ROBO2: variants seen among roughly 807,000 people sequenced by gnomAD.
The protein encoded by ROBO2 is roundabout homolog 2.
Under a neutral mutation model 160.8 loss-of-function variants are expected in ROBO2, and 53 were observed. That is an observed-to-expected ratio of 0.33 (90% CI 0.26 to 0.41). ROBO2 has a LOEUF of 0.41. ROBO2 is among the 10% of genes least tolerant of loss of function. ROBO2 has a pLI of 1.00. For synonymous variants in ROBO2, 664 were observed against 611.7 expected, an observed-to-expected ratio of 1.09 and a Z score of -1.26; for missense variants, 1,577 against 1,722.4, an observed-to-expected ratio of 0.92 and a Z score of 1.49.
intron 2 of ROBO2, among the ~76,000 whole-genome samples, chr3:76,812,175 A>AT (rs1453750055): frequency 1.3e-5 from 2 of 151,768 alleles, no homozygotes; most frequent in African/African-American, 4.8e-5. Context: ...GCCCAGCCTC[A>AT]TTTTTTTAGT....
At chr3:76,468,686 A>G (rs1360428353) in intron 2 of ROBO2, among the ~76,000 whole-genome samples, 2 of 151,816 alleles carry the variant, frequency 1.3e-5, no homozygotes, top group Non-Finnish European at 2.9e-5. Flanking sequence ...CTCCTCCCTG[A>G]AAACCTCTTC....
intron 2 of ROBO2, among the ~76,000 whole-genome samples, chr3:76,286,669 A>G (rs1005680605): frequency 2.6e-5 from 4 of 152,224 alleles, no homozygotes; most frequent in South Asian, 2.1e-4. Context: ...AGTGAGGACT[A>G]TGTATGTCTT....
chr3:76,815,230 C>G (rs569270584), intron 2 of ROBO2, among the ~76,000 whole-genome samples: 46 of 151,878 alleles, frequency 3.0e-4, no homozygotes, highest in African/African-American at 1.0e-3. Context: ...TGTTAACAGT[C>G]AACAAAGAAT....
intron 2 of ROBO2, among the ~76,000 whole-genome samples, chr3:77,401,030 C>T (rs749694236): frequency 2.6e-5 from 4 of 151,486 alleles, no homozygotes; most frequent in Non-Finnish European, 5.9e-5. Context: ...GTGGCATTTC[C>T]GGATTGTTTC....
At position 76,069,557 on chromosome 3, in the gene ROBO2, T is replaced by C. The variant is rs149039131; in HGVS notation, c.109+131955T>C. ...TTTTTTTCCTGAAAGAAATAAATTA[T>C]TGTAATTTGGTGGGTCTTAAATAAC... On this transcript the variant is annotated intron_variant, in intron 2 of 26. Coordinates refer to the ROBO2 transcript ENST00000487694. Among the ~76,000 whole-genome samples, 795 of 152,126 alleles carry C rather than the reference T, an allele frequency of 5.2e-3. 10 individuals are homozygous for C. The highest frequency in any genetic ancestry group is 0.019 in the African/African-American group (770 of 41,474).
chr3:76,243,689 C>T (rs183305948), intron 2 of ROBO2, among the ~76,000 whole-genome samples: 1 of 152,316 alleles, frequency 6.6e-6, no homozygotes, highest in East Asian at 1.9e-4. Flanking sequence ...TGCTCTTCAC[C>T]ATTTCCCCTG....
Position 77,580,117 on chromosome 3 carries a change from C to T in ROBO2, c.2499C>T (p.Ile833=), listed in dbSNP as rs200415597. Reference sequence around the variant, plus strand: ...AGAGTGAGCCACAGCCAATAATAATCGGTGAGTATCAAACTATGTGGTCTG... The same window carrying T: ...AGAGTGAGCCACAGCCAATAATAATTGGTGAGTATCAAACTATGTGGTCTG... Residue 833 remains isoleucine, a splice_region_variant and synonymous_variant, in exon 16 of 26, where the codon ATC becomes ATT. Coordinates refer to ENST00000461745, the Ensembl canonical transcript of ROBO2. 48 of 1,613,548 alleles carry T rather than the reference C, an allele frequency of 3.0e-5. No homozygotes were observed. The highest frequency in any genetic ancestry group is 2.7e-4 in the Admixed American group (16 of 59,982).
At chr3:76,907,233 T>G (rs1003446200) in intron 2 of ROBO2, among the ~76,000 whole-genome samples, 2 of 152,214 alleles carry the variant, frequency 1.3e-5, no homozygotes, top group Non-Finnish European at 2.9e-5. Context: ...ACCACGTTAC[T>G]CCTTCCTTTT....
chr3:76,323,170 C>CACACACAT (rs2072716913), intron 2 of ROBO2, among the ~76,000 whole-genome samples: 1 of 151,308 alleles, frequency 6.6e-6, no homozygotes. Context: ...CACACACACA[C>CACACACAT]ACACACCCCT....
intron 2 of ROBO2, among the ~76,000 whole-genome samples, chr3:77,436,248 G>C (rs1560826965): frequency 1.3e-5 from 2 of 151,598 alleles, no homozygotes; most frequent in Admixed American, 6.6e-5. Context: ...TCACAAAGTA[G>C]TAATTAATCA....
intron 2 of ROBO2, among the ~76,000 whole-genome samples, chr3:76,009,412 A>G (rs2066131336): frequency 6.6e-6 from 1 of 152,138 alleles, no homozygotes; most frequent in Admixed American, 6.5e-5. Context: ...TGAAGATCCG[A>G]TTCTCTTACA....
At chr3:77,428,339 A>AT (rs59725522) in intron 2 of ROBO2, among the ~76,000 whole-genome samples, 6,301 of 105,332 alleles carry the variant, frequency 0.06, 687 homozygotes, top group Admixed American at 0.11. Flanking sequence ...CTTAGGTAAT[A>AT]TTTTTTTTTT....
chr3:76,407,002 T>G (rs1372012919), intron 2 of ROBO2, among the ~76,000 whole-genome samples: 4 of 151,444 alleles, frequency 2.6e-5, no homozygotes, highest in Non-Finnish European at 5.9e-5. Flanking sequence ...GAGTTGTTTT[T>G]TTTTTTTTTT....
intron 2 of ROBO2, among the ~76,000 whole-genome samples, chr3:77,264,929 A>G (rs761198852): frequency 2.0e-5 from 3 of 152,312 alleles, no homozygotes; most frequent in African/African-American, 4.8e-5. Flanking sequence ...GTGTATCACT[A>G]TAGAAAAATC....
intron 2 of ROBO2, among the ~76,000 whole-genome samples, chr3:77,422,232 GAC>G (rs1365378337): frequency 2.6e-5 from 4 of 152,292 alleles, no homozygotes; most frequent in South Asian, 2.1e-4. Context: ...TGTAGAATAA[GAC>G]AGGGGATTAG....
At chr3:76,140,007 A>G (rs1325941292) in intron 2 of ROBO2, among the ~76,000 whole-genome samples, 1 of 152,082 alleles carries the variant, frequency 6.6e-6, no homozygotes, top group African/African-American at 2.4e-5. Flanking sequence ...AATCTATTTG[A>G]TAAATGAAAT....
chr3:77,252,623 C>G (rs572319240), intron 2 of ROBO2, among the ~76,000 whole-genome samples: 7 of 150,654 alleles, frequency 4.6e-5, no homozygotes, highest in African/African-American at 1.7e-4. Context: ...CTGGCTAACA[C>G]GGTGAAACCC....
chr3:77,083,345 C>T (rs769113909), intron 1 of ROBO2, among the ~76,000 whole-genome samples: 1 of 152,046 alleles, frequency 6.6e-6, no homozygotes, highest in Admixed American at 6.6e-5. Flanking sequence ...TAGGAAAGTC[C>T]CAATTTGTAA....
intron 2 of ROBO2, among the ~76,000 whole-genome samples, chr3:77,299,851 A>G (rs1426366275): frequency 6.6e-6 from 1 of 152,178 alleles, no homozygotes; most frequent in Non-Finnish European, 1.5e-5. Flanking sequence ...AATGTCTGCC[A>G]ACTGGATAAA....
Sources: gnomAD v4.1 joint callset for allele counts (sites outside exome capture counted in the v4.1 genomes callset) on GRCh38, gnomAD v4.1.1 for gene constraint, MANE v1.5 for transcripts, NCBI Gene and HGNC (gene_info 2026-07-23, HGNC 2026-07-21) for gene names.